The following ZNF845 variants were observed in gnomAD, a reference collection of about 807,000 sequenced individuals.
ZNF845 encodes the protein zinc finger protein 845.
A neutral mutation model predicts 76.1 loss-of-function variants in ZNF845; 59 were observed. The observed-to-expected ratio is 0.78, with a 90% confidence interval of 0.63 to 0.96. ZNF845 has a LOEUF of 0.96. ZNF845 is among the 40% of genes least tolerant of loss of function. ZNF845 has a pLI of 0.00. For synonymous variants in ZNF845, 361 were observed against 386.9 expected (o/e 0.93, Z 0.78); for missense variants, 1,045 against 1,172.8 (o/e 0.89, Z 1.59).
chr19:53,342,118 T>A, intron 2 of ZNF845, among the ~76,000 whole-genome samples: 1 of 150,578 alleles, frequency 6.6e-6, no homozygotes, highest in Non-Finnish European at 1.5e-5. Context: ...TATTATAATA[T>A]TATTATATTT....
chr19:53,342,807 A>G (rs143218640), intron 2 of ZNF845, among the ~76,000 whole-genome samples: 197 of 152,200 alleles, frequency 1.3e-3, no homozygotes, highest in African/African-American at 4.5e-3. Context: ...CCCGTATCCA[A>G]TAGTTATTTA....
Position 53,333,774 on chromosome 19 carries a change from T to G in ZNF845, c.-92T>G, listed in dbSNP as rs1312717283. 4 of 159,616 alleles carry G rather than the reference T, an allele frequency of 2.5e-5. No individual in the cohort carries two copies. The South Asian group carries it at 6.7e-4, about 27-fold the overall frequency. 9.9% of individuals were successfully genotyped at this position (159,616 alleles called of 1,614,324 possible). Reference sequence around the variant, plus strand: ...AAACCCGGAAGCGGATCGCATGGAGTGATGGTCCCACCGCAGCGGTGAGTT... The same window carrying G: ...AAACCCGGAAGCGGATCGCATGGAGGGATGGTCCCACCGCAGCGGTGAGTT... On this transcript the variant is annotated 5_prime_UTR_variant, in exon 1 of 4. An upstream open reading frame in the 5' UTR loses its in-frame stop. Coordinates refer to ENST00000458035, the MANE Select transcript of ZNF845 (RefSeq NM_138374.3).
chr19:53,345,717 C>CT, intron 3 of ZNF845, 85 bp downstream of exon 3: 1 of 1,590,852 alleles, frequency 6.3e-7, no homozygotes, highest in Non-Finnish European at 8.5e-7. Context: ...ATGTCTTGCT[C>CT]TGTCACCCAG....
rs1456577710 is a variant in ZNF845 at position 53,355,348 on chromosome 19, A to G, written c.*1760A>G. 7 of 151,986 alleles carry G rather than the reference A, an allele frequency of 4.6e-5. No homozygotes were observed. Among genetic ancestry groups the G allele is most frequent in the Non-Finnish European group, 8.8e-5 (6 of 67,984 alleles). The allele number at this position is 151,986 out of a possible 1,614,324, so 9.4% of individuals were successfully genotyped here. On this transcript the variant is annotated 3_prime_UTR_variant, in exon 4 of 4. Transcript: ENST00000458035. The stretch of plus-strand genomic sequence containing the variant: ...CTGCAACCTCTGTCTCCCACGTCCA[A>G]GCAATTCTGTCTCAGCCTCCTGAGT...
At chr19:53,337,248 C>T (rs1371171614) in intron 1 of ZNF845, 3 of 444,922 alleles carry the variant, frequency 6.7e-6, no homozygotes, top group Non-Finnish European at 1.4e-5. Flanking sequence ...CTTTCTTCTC[C>T]TTCAGGTCTA....
intron 1 of ZNF845, among the ~76,000 whole-genome samples, chr19:53,337,997 G>T (rs376539500): frequency 6.6e-6 from 1 of 152,080 alleles, no homozygotes; most frequent in African/African-American, 2.4e-5. Flanking sequence ...CACAGTGCCC[G>T]CCCAGAGATG....
chr19:53,343,696 T>C (rs2085273368), intron 2 of ZNF845, among the ~76,000 whole-genome samples: 1 of 152,200 alleles, frequency 6.6e-6, no homozygotes, highest in Non-Finnish European at 1.5e-5. Context: ...TTTTTGAATA[T>C]CTGGGGGAAA....
At chr19:53,342,806 A>T (rs956167786) in intron 2 of ZNF845, among the ~76,000 whole-genome samples, 1 of 152,114 alleles carries the variant, frequency 6.6e-6, no homozygotes, top group Non-Finnish European at 1.5e-5. Flanking sequence ...CCCCGTATCC[A>T]ATAGTTATTT....
In ZNF845 at chr19:53,333,929, T is replaced by C. The variant is rs189360817; in HGVS notation, c.-74+137T>C. 1,477 of 154,508 alleles carry C rather than the reference T, an allele frequency of 9.6e-3. 18 individuals are homozygous for C. Among genetic ancestry groups the C allele is most frequent in the South Asian group, 0.016 (76 of 4,896 alleles). The allele number at this position is 154,508 out of a possible 1,614,324, so 9.6% of individuals were successfully genotyped here. A position where few individuals can be genotyped will look rare whatever the true frequency, so the allele number is the denominator to read the frequency against. ...CCTAGAGCAAATTTAGACGTCCTCG[T>C]CAGAGTCCAGGGGTCGCTTCCTTTT... On this transcript the variant is annotated intron_variant, in intron 1 of 3. Transcript: ENST00000458035.
chr19:53,338,229 T>G (rs2085229670), intron 1 of ZNF845, among the ~76,000 whole-genome samples: 2 of 152,152 alleles, frequency 1.3e-5, no homozygotes, highest in African/African-American at 2.4e-5. Flanking sequence ...CTGTGGCTAT[T>G]TATTTCAGTC....
chr19:53,337,227 C>A (rs377540665), intron 1 of ZNF845: 2 of 453,464 alleles, frequency 4.4e-6, no homozygotes, highest in South Asian at 1.6e-5. Flanking sequence ...TAAATGATCA[C>A]GGCCCTGTGC....
At position 53,351,772 on chromosome 19, in the gene ZNF845, T is replaced by G. The variant is rs1476957090; in HGVS notation, c.1097T>G (p.Phe366Cys). Residue 366 changes from phenylalanine to cysteine, a missense_variant, in exon 4 of 4, where the codon TTC becomes TGC. Phe to Cys is a radical substitution (Grantham distance 205). Transcript: ENST00000458035. ...KCEECDKAFS[F>C]KSNLERHRKI... Reference sequence around the variant, plus strand: ...GAAGAATGTGACAAAGCTTTCAGTTTCAAATCAAACCTTGAAAGACATAGG... The same window carrying G: ...GAAGAATGTGACAAAGCTTTCAGTTGCAAATCAAACCTTGAAAGACATAGG... 1 of 1,613,224 alleles carries G rather than the reference T, an allele frequency of 6.2e-7. No individual in the cohort carries two copies. The highest frequency in any genetic ancestry group is 1.3e-5 in the African/African-American group (1 of 74,616).
rs183894313 is a variant in ZNF845, at chr19:53,354,049, T to C, written c.*461T>C. 1.6e-4 allele frequency: 77 copies of C among 479,914 alleles called. No individual in the cohort carries two copies. The highest frequency in any genetic ancestry group is 1.2e-3 in the African/African-American group (60 of 49,764). The allele number at this position is 479,914 out of a possible 1,614,324, so 29.7% of individuals were successfully genotyped here. On this transcript the variant is annotated 3_prime_UTR_variant, in exon 4 of 4. Coordinates refer to ENST00000458035, the MANE Select transcript of ZNF845 (RefSeq NM_138374.3). ...AGGTCTTCAGTCTAGCTTCATCTTATGCAAAACAGGAGACTTCATACAGGA... is the reference window on the plus strand; with the variant it reads ...AGGTCTTCAGTCTAGCTTCATCTTACGCAAAACAGGAGACTTCATACAGGA...
rs753770964 is a variant in ZNF845 at position 53,341,261 on chromosome 19, G to T, written c.-47G>T. ...ATTGACTTCTAAAGACTCTTGGTACGTGAGGAAGAAACCCGGAAGAGGAAG... is the reference window on the plus strand; with the variant it reads ...ATTGACTTCTAAAGACTCTTGGTACTTGAGGAAGAAACCCGGAAGAGGAAG... On this transcript the variant is annotated 5_prime_UTR_variant, in exon 2 of 4. Transcript: ENST00000458035. 2.5e-6 allele frequency: 4 copies of T among 1,612,296 alleles called. No individual in the cohort carries two copies. Among genetic ancestry groups the T allele is most frequent in the Admixed American group, 1.7e-5 (1 of 60,000 alleles).
chr19:53,344,644 T>TGTTATGTTATG (rs1347350507), intron 2 of ZNF845, among the ~76,000 whole-genome samples: 55 of 150,876 alleles, frequency 3.6e-4, no homozygotes, highest in Admixed American at 8.7e-4. Flanking sequence ...TTTTATTTTA[T>TGTTATGTTATG]TTTGGGATGG....
rs61743334 is a variant in ZNF845 at position 53,351,098 on chromosome 19, A to G, written c.423A>G (p.Gly141=). 19,808 of 1,614,236 alleles carry G rather than the reference A, an allele frequency of 0.012. 155 individuals are homozygous for G. The highest frequency in any genetic ancestry group is 0.015 in the Non-Finnish European group (17,535 of 1,180,040). ...AGNKPIKDQL[G]SSFHSHLPEL... ...ACAAGCCTATTAAAGATCAGCTTGG[A>G]TCAAGCTTTCATTCGCATCTGCCTG... The change falls in exon 4 of 4, where the codon GGA becomes GGG. Residue 141 remains glycine, a synonymous_variant. Coordinates refer to ENST00000458035, the MANE Select transcript of ZNF845 (RefSeq NM_138374.3).
At chr19:53,347,454 T>G (rs1012996861) in intron 3 of ZNF845, among the ~76,000 whole-genome samples, 16 of 151,740 alleles carry the variant, frequency 1.1e-4, no homozygotes, top group Admixed American at 6.6e-4. Context: ...TTTTTTTTTT[T>G]TTTTTCTGTA....
At chr19:53,341,163 T>C in intron 1 of ZNF845, 72 bp from the exon 2 acceptor site, 1 of 1,322,412 alleles carries the variant, frequency 7.6e-7, no homozygotes, top group Non-Finnish European at 1.1e-6. Flanking sequence ...AGGTCTCCTT[T>C]GTATGTTTCA....
rs148826554 is a variant in ZNF845, at chr19:53,335,893, G to A, written c.-74+2101G>A. On this transcript the variant is annotated intron_variant, in intron 1 of 3. Coordinates refer to ENST00000458035, the MANE Select transcript of ZNF845 (RefSeq NM_138374.3). ...TGGGATTACAGGCATGAGCCACCAC[G>A]CCTGGCCCATAGTACTTTTTAAAAG... Among the ~76,000 whole-genome samples the A allele has an allele frequency of 1.0e-2, 1,514 of 152,012 alleles. 17 individuals carry two copies. The highest frequency in any genetic ancestry group is 0.017 in the Non-Finnish European group (1,144 of 67,964).
Sources: gnomAD v4.1 joint callset for allele counts (sites outside exome capture counted in the v4.1 genomes callset) on GRCh38, gnomAD v4.1.1 for gene constraint, MANE v1.5 for transcripts, NCBI Gene and HGNC (gene_info 2026-07-23, HGNC 2026-07-21) for gene names.